Variants in PCDH11X observed in about 807,000 individuals in gnomAD.
PCDH11X encodes protocadherin 11 X-linked.
Under a neutral mutation model 53.3 loss-of-function variants are expected in PCDH11X, and 18 were observed. The observed-to-expected ratio is 0.34, with a 90% CI of 0.23 to 0.50. PCDH11X has a LOEUF of 0.50. Ranked by LOEUF, PCDH11X falls within the 20% of genes least tolerant of loss-of-function variation. PCDH11X has a pLI of 0.98. For synonymous variants in PCDH11X, 279 were observed against 393.3 expected (o/e 0.71, Z 3.44); for missense variants, 570 against 1,032.4 (o/e 0.55, Z 6.14).
At chrX:92,306,863 T>C (rs951424278) in intron 8 of PCDH11X, among the ~76,000 whole-genome samples, 1 of 111,109 alleles carries the variant, frequency 9.0e-6, no homozygotes, top group Non-Finnish European at 1.9e-5. Flanking sequence ...GGCAGTAGAA[T>C]TGCTTAAACC....
chrX:91,973,678 G>C (rs2062005841), intron 6 of PCDH11X, among the ~76,000 whole-genome samples: 1 of 100,077 alleles, frequency 1.0e-5, no homozygotes, highest in Admixed American at 1.1e-4. Context: ...GCAGTGGCAG[G>C]ATCTCGGCTC....
chrX:92,198,203 C>A (rs2066323807), intron 6 of PCDH11X, among the ~76,000 whole-genome samples: 1 of 97,206 alleles, frequency 1.0e-5, no homozygotes, highest in Non-Finnish European at 2.0e-5. Context: ...TGAGATCAGC[C>A]TGGGTAATAT....
At chrX:92,274,478 C>T (rs1348104339) in intron 8 of PCDH11X, among the ~76,000 whole-genome samples, 1 of 110,720 alleles carries the variant, frequency 9.0e-6, no homozygotes, top group Non-Finnish European at 1.9e-5. Context: ...CTGCGGTGGC[C>T]TTCTCAGACC....
At chrX:92,430,096 A>C (rs4304499) in intron 9 of PCDH11X, among the ~76,000 whole-genome samples, 20,019 of 92,804 alleles carry the variant, frequency 0.22, 3,043 homozygotes, top group Non-Finnish European at 0.29. Context: ...TGAAAATATC[A>C]TTTAAATAAC....
intron 7 of PCDH11X, among the ~76,000 whole-genome samples, chrX:92,261,588 C>A (rs1344282754): frequency 9.0e-6 from 1 of 111,467 alleles, no homozygotes; most frequent in East Asian, 2.8e-4. Context: ...AGTGGTGAAA[C>A]ATCTAACATT....
intron 1 of PCDH11X, among the ~76,000 whole-genome samples, chrX:91,787,917 T>C (rs1371468406): frequency 2.6e-4 from 29 of 111,198 alleles, no homozygotes; most frequent in Admixed American, 2.9e-4. Flanking sequence ...TACATTACAG[T>C]ACACCAAGTA....
intron 6 of PCDH11X, chrX:92,114,474 C>G (rs1032076655): frequency 1.7e-6 from 1 of 582,920 alleles, no homozygotes. Context: ...TCCTGAGAAA[C>G]TAGCCTTTTT....
chrX:92,378,677 C>G lies in PCDH11X; in HGVS notation c.3145-9058C>G, dbSNP rs754582961. Reference sequence around the variant, plus strand: ...TGGCAAATTCAGTGTCTGGTGAAGGCTCACTTCCTGGTTCATAGACAAGGA... The same window carrying G: ...TGGCAAATTCAGTGTCTGGTGAAGGGTCACTTCCTGGTTCATAGACAAGGA... On this transcript the variant is annotated intron_variant, in intron 8 of 10. Transcript: ENST00000682573. Among the ~76,000 whole-genome samples the G allele has an allele frequency of 2.7e-5, 3 of 111,534 alleles. No individual in the cohort carries two copies. The South Asian group carries it at 1.1e-3, about 42-fold the overall frequency.
chrX:92,457,346 A>G (rs1044112081), intron 9 of PCDH11X, among the ~76,000 whole-genome samples: 4 of 107,033 alleles, frequency 3.7e-5, no homozygotes, highest in African/African-American at 1.4e-4. Context: ...ATACAGTTAC[A>G]AAGTCCCAAT....
intron 6 of PCDH11X, among the ~76,000 whole-genome samples, chrX:92,197,934 T>C (rs1392593575): frequency 8.9e-6 from 1 of 111,938 alleles, no homozygotes; most frequent in Non-Finnish European, 1.9e-5. Context: ...CACCAGTGCA[T>C]CTCTGGATTC....
intron 6 of PCDH11X, among the ~76,000 whole-genome samples, chrX:92,194,046 A>G (rs2066248885): frequency 8.9e-6 from 1 of 112,011 alleles, no homozygotes; most frequent in Non-Finnish European, 1.9e-5. Flanking sequence ...TACATAGTAT[A>G]TTTTTAGGAA....
intron 5 of PCDH11X, among the ~76,000 whole-genome samples, chrX:91,876,190 C>T (rs1285285274): frequency 1.8e-5 from 2 of 110,548 alleles, no homozygotes; most frequent in Admixed American, 9.7e-5. Flanking sequence ...AAGAATGATA[C>T]GATGGACATT....
At chrX:92,361,684 T>C (rs1195598881) in intron 8 of PCDH11X, among the ~76,000 whole-genome samples, 1 of 107,986 alleles carries the variant, frequency 9.3e-6, no homozygotes, top group Non-Finnish European at 1.9e-5. Context: ...AAACTTACCA[T>C]TGTAGTAGTT....
chrX:92,512,247 T>A (rs1360475007), intron 10 of PCDH11X, among the ~76,000 whole-genome samples: 1 of 111,277 alleles, frequency 9.0e-6, no homozygotes, highest in East Asian at 2.8e-4. Flanking sequence ...GCAAAATAAT[T>A]TTGTCTATGT....
chrX:91,840,110 A>C lies in PCDH11X; in HGVS notation c.540+4066A>C, dbSNP rs750721657. On this transcript the variant is annotated intron_variant, in intron 5 of 10. Transcript: ENST00000682573. ...AAATAGAAACATCCCTCAAGCACCC[A>C]GTCTGACTCAGAATATGTATATAAA... Among the ~76,000 whole-genome samples the C allele has an allele frequency of 2.4e-4, 27 of 111,300 alleles. No homozygotes were observed. In the South Asian group the frequency reaches 9.8e-3, roughly 41 times the overall value.
intron 9 of PCDH11X, among the ~76,000 whole-genome samples, chrX:92,451,305 G>A (rs983634056): frequency 6.4e-5 from 7 of 110,051 alleles, no homozygotes; most frequent in Non-Finnish European, 1.1e-4. Flanking sequence ...ACTTTCATGT[G>A]CAGATCCATC....
chrX:92,114,762 G>A (rs2148165445), intron 6 of PCDH11X, among the ~76,000 whole-genome samples: 1 of 111,116 alleles, frequency 9.0e-6, no homozygotes, highest in South Asian at 3.8e-4. Flanking sequence ...CTTCCATCTT[G>A]GAAACTCTCC....
At chrX:92,252,618 C>T (rs1026290717) in intron 7 of PCDH11X, among the ~76,000 whole-genome samples, 5 of 111,228 alleles carry the variant, frequency 4.5e-5, no homozygotes, top group African/African-American at 1.6e-4. Context: ...TATTGGACAT[C>T]TCAAGTTGAT....
chrX:91,944,023 TTGTGTGTGTGTG>T (rs755497548), intron 6 of PCDH11X, among the ~76,000 whole-genome samples: 3 of 63,947 alleles, frequency 4.7e-5, no homozygotes, highest in African/African-American at 1.5e-4. Flanking sequence ...ATCTCCTGGA[TTGTGTGTGTGTG>T]TGTGTGTGTG....
Sources: gnomAD v4.1 joint callset for allele counts (sites outside exome capture counted in the v4.1 genomes callset) on GRCh38, gnomAD v4.1.1 for gene constraint, MANE v1.5 for transcripts, NCBI Gene and HGNC (gene_info 2026-07-23, HGNC 2026-07-21) for gene names.